MPPE1: variants seen among roughly 807,000 people sequenced by gnomAD.
MPPE1 encodes the protein metallophosphoesterase 1, also known as metallo phosphoesterase.
In MPPE1, 28 loss-of-function variants were observed where a neutral mutation model predicts 43.8. That is an observed-to-expected ratio of 0.64 (90% CI 0.47 to 0.88). The LOEUF (loss-of-function observed/expected upper bound fraction) is 0.88. Among genes scored for constraint, MPPE1 ranks in the 40% least tolerant of loss-of-function variants. MPPE1 has a pLI of 0.00. For synonymous variants in MPPE1, 159 were observed against 188.5 expected, an observed-to-expected ratio of 0.84 and a Z score of 1.28; for missense variants, 428 against 492.2, an observed-to-expected ratio of 0.87 and a Z score of 1.23.
chr18:11,891,829 G>T (rs1217467413), intron 4 of MPPE1, among the ~76,000 whole-genome samples: 3 of 151,898 alleles, frequency 2.0e-5, no homozygotes, highest in Non-Finnish European at 4.4e-5. Context: ...TTTTTATCTT[G>T]ATTTTTTGAG....
intron 2 of MPPE1, among the ~76,000 whole-genome samples, chr18:11,900,690 G>T (rs1384269351): frequency 6.6e-6 from 1 of 151,868 alleles, no homozygotes; most frequent in Non-Finnish European, 1.5e-5. Context: ...GGCAGATCAC[G>T]AGGTCAGGAG....
intron 9 of MPPE1, 127 bp from the exon 10 acceptor site, chr18:11,885,943 A>G (rs751026296): frequency 7.4e-6 from 7 of 949,018 alleles, no homozygotes; most frequent in Non-Finnish European, 1.0e-5. Context: ...CTTATTTTGA[A>G]GGACTGGTTT....
At chr18:11,891,774 TTTTTG>T (rs908538427) in intron 4 of MPPE1, among the ~76,000 whole-genome samples, 1 of 152,126 alleles carries the variant, frequency 6.6e-6, no homozygotes, top group Non-Finnish European at 1.5e-5. Flanking sequence ...TGTGGGGTTT[TTTTTG>T]TTTTGTTTTG....
chr18:11,900,379 G>A (rs978623053), intron 2 of MPPE1, among the ~76,000 whole-genome samples: 5 of 151,968 alleles, frequency 3.3e-5, no homozygotes, highest in South Asian at 2.1e-4. Context: ...GGTGGTGGGC[G>A]TCTGTAGTCC....
chr18:11,900,743 T>G (rs980521734), intron 2 of MPPE1, among the ~76,000 whole-genome samples: 3 of 151,100 alleles, frequency 2.0e-5, no homozygotes, highest in African/African-American at 4.9e-5. Flanking sequence ...CCATCTCTAC[T>G]AAAAATACAA....
intron 4 of MPPE1, among the ~76,000 whole-genome samples, chr18:11,892,364 A>G (rs891159739): frequency 7.9e-6 from 1 of 127,236 alleles, no homozygotes; most frequent in Middle Eastern, 3.8e-3. Context: ...AGAAAAAAAA[A>G]AAAAAAAGAA....
chr18:11,904,286 T>C (rs1302683466), intron 2 of MPPE1, among the ~76,000 whole-genome samples: 2 of 152,096 alleles, frequency 1.3e-5, no homozygotes, highest in Non-Finnish European at 2.9e-5. Context: ...GTGAAGCAGC[T>C]ATCTGGTATA....
chr18:11,893,282 T>C, intron 4 of MPPE1, 186 bp downstream of exon 4: 1 of 555,488 alleles, frequency 1.8e-6, no homozygotes, highest in African/African-American at 1.9e-5. Context: ...ATTGAGTTGT[T>C]CTAATAATCT....
At chr18:11,891,361 T>A (rs993870554) in intron 4 of MPPE1, 1 of 151,960 alleles carries the variant, frequency 6.6e-6, no homozygotes, top group South Asian at 2.1e-4. Flanking sequence ...TAATCCCAAC[T>A]ACTCGAGGAG....
Position 11,886,304 on chromosome 18 carries a change from GAAA to G in MPPE1, c.867+192_867+194del. ...GTAGGAAACAGAAGTAGGTTTACTGGAAAAAAAAAAAGCGATTAAATGAAAATC... is the reference window on the plus strand; with the variant it reads ...GTAGGAAACAGAAGTAGGTTTACTGGAAAAAAAAGCGATTAAATGAAAATC... On this transcript the variant is annotated intron_variant, in intron 9 of 10. Transcript: ENST00000588072. This position sits in a 1 kb window ranked among gnomAD's most constrained non-coding sequence, Gnocchi z 4.1. 1.8e-6 allele frequency: 1 copy of G among 558,982 alleles called. No individual in the cohort carries two copies. Among genetic ancestry groups the G allele is most frequent in the Non-Finnish European group, 3.0e-6 (1 of 334,094 alleles). 34.6% of individuals were successfully genotyped at this position (558,982 alleles called of 1,614,324 possible).
chr18:11,900,582 C>T (rs1321211943), intron 2 of MPPE1, among the ~76,000 whole-genome samples: 1 of 151,932 alleles, frequency 6.6e-6, no homozygotes, highest in Non-Finnish European at 1.5e-5. Context: ...TATAAGCAAC[C>T]ATTAAGATGT....
At chr18:11,885,598 C>T in intron 10 of MPPE1, 78 bp downstream of exon 10, 1 of 1,513,722 alleles carries the variant, frequency 6.6e-7, no homozygotes, top group Admixed American at 1.9e-5. Flanking sequence ...TGACCGATTG[C>T]AGCAATTAAA....
intron 4 of MPPE1, among the ~76,000 whole-genome samples, chr18:11,889,717 C>G (rs1332018375): frequency 1.3e-5 from 2 of 152,058 alleles, no homozygotes; most frequent in Non-Finnish European, 2.9e-5. Flanking sequence ...CACATGCCAC[C>G]ATGCCCGGCT....
intron 2 of MPPE1, among the ~76,000 whole-genome samples, chr18:11,898,214 A>G (rs1395758340): frequency 6.6e-6 from 1 of 151,520 alleles, no homozygotes; most frequent in Non-Finnish European, 1.5e-5. Context: ...GATTGCAGGC[A>G]CTCGTCACCA....
Position 11,882,627 on chromosome 18 carries a change from A to T in MPPE1, c.*1818T>A, listed in dbSNP as rs1466829194. On this transcript the variant is annotated 3_prime_UTR_variant, in exon 11 of 11. Coordinates refer to ENST00000588072, the MANE Select transcript of MPPE1 (RefSeq NM_023075.6). ...CTTGAACCTGGGAGGTGGAGATTGC[A>T]GTGAGCCGAGGTCGTGCCATCGCAC... is the stretch of plus-strand genomic sequence containing the variant. 1 of 140,376 alleles carries T rather than the reference A, an allele frequency of 7.1e-6. No individual in the cohort carries two copies. Among genetic ancestry groups the T allele is most frequent in the Non-Finnish European group, 1.5e-5 (1 of 66,490 alleles). The allele number at this position is 140,376 out of a possible 1,614,324, so 8.7% of individuals were successfully genotyped here.
At position 11,886,788 on chromosome 18, in the gene MPPE1, A is replaced by G. The variant is rs2037333910; in HGVS notation, c.679-10T>C. The G allele has an allele frequency of 6.2e-7, 1 of 1,611,874 alleles. No homozygotes were observed. The highest frequency in any genetic ancestry group is 8.5e-7 in the Non-Finnish European group (1 of 1,179,140). Reference sequence around the variant, plus strand: ...GGCTGGAGCCACGTGCCTGCTGGGTACAAGTCAGGCCATTAATCCGCACAC... The same window carrying G: ...GGCTGGAGCCACGTGCCTGCTGGGTGCAAGTCAGGCCATTAATCCGCACAC... On this transcript the variant is annotated splice_polypyrimidine_tract_variant and intron_variant, in intron 7 of 10. Transcript: ENST00000588072. The surrounding 1 kb of genome is among the most constrained non-coding windows in gnomAD (Gnocchi z 4.1).
chr18:11,907,076 G>A (rs536488362), intron 1 of MPPE1, among the ~76,000 whole-genome samples: 1 of 152,154 alleles, frequency 6.6e-6, no homozygotes, highest in South Asian at 2.1e-4. Context: ...GGAAGTGGGG[G>A]TGGAACTTGA....
chr18:11,890,036 G>T (rs1411781031), intron 4 of MPPE1, among the ~76,000 whole-genome samples: 1 of 150,458 alleles, frequency 6.6e-6, no homozygotes, highest in Admixed American at 6.6e-5. Flanking sequence ...TCTGCCTCCG[G>T]GGTTCACGCC....
chr18:11,893,399 G>A (rs1567948708), intron 4 of MPPE1, 69 bp downstream of exon 4: 17 of 1,094,692 alleles, frequency 1.6e-5, no homozygotes, highest in South Asian at 2.6e-5. Context: ...ACACTGATTC[G>A]TGGATTCTCT....
Sources: allele counts gnomAD v4.1 joint callset (sites outside exome capture counted in the v4.1 genomes callset), GRCh38; gene constraint gnomAD v4.1.1; non-coding constraint Gnocchi (gnomAD v3.1); transcripts MANE v1.5; gene names NCBI Gene and HGNC (gene_info 2026-07-23, HGNC 2026-07-21).